Variants in PTP4A1 observed in about 807,000 individuals in gnomAD.
The protein encoded by PTP4A1 is protein tyrosine phosphatase 4A1.
Under a neutral mutation model 20.5 loss-of-function variants are expected in PTP4A1, and 9 were observed. The observed-to-expected ratio is 0.44, with a 90% CI of 0.26 to 0.77. The LOEUF (loss-of-function observed/expected upper bound fraction) is 0.77, where lower values mean the gene tolerates loss of function less well. Ranked by LOEUF, PTP4A1 falls within the 30% of genes least tolerant of loss-of-function variation. The pLI, the probability that PTP4A1 is intolerant of heterozygous loss-of-function variation, is 0.19. For missense variants in PTP4A1, 137 were observed against 218.8 expected, an observed-to-expected ratio of 0.63 and a Z score of 2.36; for synonymous variants, 78 against 67.4, an observed-to-expected ratio of 1.16 and a Z score of -0.77.
intron 3 of PTP4A1, among the ~76,000 whole-genome samples, chr6:63,550,924 C>A (rs1024185801): frequency 1.3e-5 from 2 of 152,114 alleles, no homozygotes; most frequent in African/African-American, 2.4e-5. Flanking sequence ...CCGTGCCCAG[C>A]CCCATAATTT....
Position 63,572,518 on chromosome 6 carries a change from G to C in PTP4A1, c.-647G>C, listed in dbSNP as rs1777508043. ...TATTGGCTCCTTCGGCTGCGGGCCG[G>C]CTCGGCTACGCGCTCTGCTCCGAGC... On this transcript the variant is annotated 5_prime_UTR_variant, in exon 1 of 6. Transcript: ENST00000626021. The C allele has an allele frequency of 2.6e-6, 1 of 391,498 alleles. No individual in the cohort carries two copies. The highest frequency in any genetic ancestry group is 1.3e-4 in the South Asian group (1 of 7,876). 24.3% of individuals were successfully genotyped at this position (391,498 alleles called of 1,614,324 possible).
At chr6:63,542,249 C>A (rs1238054235) in intron 2 of PTP4A1, among the ~76,000 whole-genome samples, 1 of 151,970 alleles carries the variant, frequency 6.6e-6, no homozygotes, top group Non-Finnish European at 1.5e-5. Context: ...AGGAATGACA[C>A]AATGGACTTT....
Position 63,560,402 on chromosome 6 carries a change from CT to C in PTP4A1, c.-446+9923del, listed in dbSNP as rs915922722. ...AAAAGTAAAAAACAAAACACAAAGC[CT>C]TTTTTTTTTTTTTCTTGAGACAGAG... On this transcript the variant is annotated intron_variant, in intron 3 of 3. Transcript: ENST00000639568. Among the ~76,000 whole-genome samples the C allele has an allele frequency of 2.3e-3, 320 of 141,506 alleles. 3 individuals carry two copies. Among genetic ancestry groups the C allele is most frequent in the East Asian group, 0.013 (62 of 4,890 alleles). The allele number at this position is 141,506 out of a possible 152,430, so 92.8% of individuals were successfully genotyped here.
At chr6:63,543,001 G>C (rs1487071972) in intron 2 of PTP4A1, among the ~76,000 whole-genome samples, 1 of 152,114 alleles carries the variant, frequency 6.6e-6, no homozygotes, top group Non-Finnish European at 1.5e-5. Context: ...ATTTAGAATA[G>C]TATAATGAGT....
chr6:63,579,353 C>T (rs748092479), intron 5 of PTP4A1, 22 bp downstream of exon 5: 1 of 1,531,854 alleles, frequency 6.5e-7, no homozygotes, highest in Admixed American at 1.9e-5. Flanking sequence ...ATTCTCTTTT[C>T]ATTTGTACTC....
upstream of PTP4A1, among the ~76,000 whole-genome samples, chr6:63,518,976 T>A (rs1160555854): frequency 6.6e-6 from 1 of 152,192 alleles, no homozygotes; most frequent in African/African-American, 2.4e-5. Context: ...ACCATATTAA[T>A]ATCACTGTAG....
chr6:63,555,731 T>A (rs1271556532), intron 3 of PTP4A1, among the ~76,000 whole-genome samples: 1 of 150,374 alleles, frequency 6.7e-6, no homozygotes, highest in Non-Finnish European at 1.5e-5. Flanking sequence ...TCTCGCTCTG[T>A]CACCCAGCCT....
chr6:63,527,770 C>T (rs1215618575), intron 1 of PTP4A1: 9 of 152,240 alleles, frequency 5.9e-5, no homozygotes, highest in South Asian at 4.1e-4. Context: ...TAGACAGTGA[C>T]GATAACAGTG....
At position 63,580,245 on chromosome 6, in the gene PTP4A1, C is replaced by G; in HGVS notation, c.*71C>G. On this transcript the variant is annotated 3_prime_UTR_variant, in exon 6 of 6. Transcript: ENST00000626021. Reference sequence around the variant, plus strand: ...CTAATTTGTTATACATATTAGCCAACATGTTGGCTTAGTAAGTCTAATGAA... The same window carrying G: ...CTAATTTGTTATACATATTAGCCAAGATGTTGGCTTAGTAAGTCTAATGAA... The G allele has an allele frequency of 8.0e-7, 1 of 1,242,400 alleles. No homozygotes were observed. The highest frequency in any genetic ancestry group is 1.2e-5 in the South Asian group (1 of 82,316). 77.0% of individuals were successfully genotyped at this position (1,242,400 alleles called of 1,614,324 possible). A position where few individuals can be genotyped will look rare whatever the true frequency, so the allele number is the denominator to read the frequency against.
chr6:63,550,720 G>T (rs1776401683), intron 3 of PTP4A1, among the ~76,000 whole-genome samples: 1 of 151,944 alleles, frequency 6.6e-6, no homozygotes, highest in Non-Finnish European at 1.5e-5. Flanking sequence ...CACCTCCTGG[G>T]TTCAAGCAAT....
Position 63,526,837 on chromosome 6 carries a change from T to TATA in PTP4A1, c.-905-982_-905-981insATA, listed in dbSNP as rs1562111525. Among the ~76,000 whole-genome samples the TATA allele has an allele frequency of 2.6e-3, 229 of 87,604 alleles. 1 individual carries two copies. Among genetic ancestry groups the TATA allele is most frequent in the African/African-American group, 3.6e-3 (78 of 21,572 alleles). The allele number at this position is 87,604 out of a possible 152,430, so 57.5% of individuals were successfully genotyped here. On this transcript the variant is annotated intron_variant, in intron 1 of 3. Transcript: ENST00000639568. ...TATATATATATATATATATATATAT[T>TATA]TATTTATTTATTCTTCTTAAGGGCT... is the stretch of plus-strand genomic sequence containing the variant.
At position 63,578,514 on chromosome 6, in the gene PTP4A1, A is replaced by C; in HGVS notation, c.183A>C (p.Glu61Asp). ...ATYDTTLVEKEGIHVLDWPFD... is the reference protein window; with the variant it reads ...ATYDTTLVEKDGIHVLDWPFD... ...ATGACACTACTCTTGTGGAGAAAGA[A>C]GGTATCCATGTTCTTGTAAGTATTT... The change falls in exon 3 of 6, where the codon GAA becomes GAC. Residue 61 changes from glutamate to aspartate, a missense_variant. Physicochemically the swap from Glu to Asp is conservative, Grantham distance 45. Transcript: ENST00000626021. The C allele has an allele frequency of 6.2e-7, 1 of 1,611,842 alleles. No homozygotes were observed. Among genetic ancestry groups the C allele is most frequent in the South Asian group, 1.1e-5 (1 of 90,746 alleles).
intron 2 of PTP4A1, among the ~76,000 whole-genome samples, chr6:63,538,923 CA>C (rs1775834692): frequency 6.6e-6 from 1 of 152,110 alleles, no homozygotes; most frequent in Non-Finnish European, 1.5e-5. Flanking sequence ...GATGGAGTCT[CA>C]CTCTGTCACC....
upstream of PTP4A1, among the ~76,000 whole-genome samples, chr6:63,519,557 A>AC (rs1774848865): frequency 1.3e-5 from 2 of 152,198 alleles, no homozygotes; most frequent in South Asian, 4.1e-4. Flanking sequence ...GGGTAAAGAC[A>AC]CCACATATGC....
At chr6:63,565,783 A>G (rs1217371824) in intron 3 of PTP4A1, among the ~76,000 whole-genome samples, 1 of 152,234 alleles carries the variant, frequency 6.6e-6, no homozygotes, top group Non-Finnish European at 1.5e-5. Context: ...CTGCTACAGC[A>G]TTTTGATTAT....
At chr6:63,560,389 C>A (rs1049147357) in intron 3 of PTP4A1, among the ~76,000 whole-genome samples, 11 of 138,020 alleles carry the variant, frequency 8.0e-5, no homozygotes, top group South Asian at 2.4e-4. Flanking sequence ...AAGTAAAAAA[C>A]AAAACACAAA....
Position 63,525,042 on chromosome 6 carries a change from C to T in PTP4A1, c.-905-2777C>T, listed in dbSNP as rs375504816. ...GTTCTAACTTGATTCAGGGATTTAG[C>T]TTAGACAGACTAGAGCAGCATTTCT... On this transcript the variant is annotated intron_variant, in intron 1 of 3. Coordinates refer to the PTP4A1 transcript ENST00000639568. Among the ~76,000 whole-genome samples the T allele has an allele frequency of 3.2e-4, 49 of 152,284 alleles. 1 individual carries two copies. In the East Asian group the frequency reaches 8.5e-3, roughly 26 times the overall value.
chr6:63,583,085 CACCAATGAGT>C lies in PTP4A1; in HGVS notation c.*2915_*2924del, dbSNP rs1466177417. 1 of 152,116 alleles carries C rather than the reference CACCAATGAGT, an allele frequency of 6.6e-6. No individual in the cohort carries two copies. Among genetic ancestry groups the C allele is most frequent in the Non-Finnish European group, 1.5e-5 (1 of 68,018 alleles). The allele number at this position is 152,116 out of a possible 1,614,324, so 9.4% of individuals were successfully genotyped here. On this transcript the variant is annotated 3_prime_UTR_variant, in exon 6 of 6. Transcript: ENST00000626021. Reference sequence around the variant, plus strand: ...AAAGATGGTGTCACCAGATTTTGGTCACCAATGAGTACCCGACCCGTTGCCATGATTAAGA... The same window carrying C: ...AAAGATGGTGTCACCAGATTTTGGTCACCCGACCCGTTGCCATGATTAAGA...
chr6:63,560,732 A>C (rs1776910144), intron 3 of PTP4A1, among the ~76,000 whole-genome samples: 1 of 152,170 alleles, frequency 6.6e-6, no homozygotes, highest in African/African-American at 2.4e-5. Context: ...AATTAAGTTC[A>C]ATAGAAATAA....
Sources: allele counts gnomAD v4.1 joint callset (sites outside exome capture counted in the v4.1 genomes callset), GRCh38; gene constraint gnomAD v4.1.1; transcripts MANE v1.5; gene names NCBI Gene and HGNC (gene_info 2026-07-23, HGNC 2026-07-21).